The following MACROD2 variants were observed in gnomAD, a reference collection of about 807,000 sequenced individuals.
MACROD2 encodes ADP-ribose glycohydrolase MACROD2.
Under a neutral mutation model 70.4 loss-of-function variants are expected in MACROD2, and 36 were observed. The observed-to-expected ratio is 0.51, with a 90% CI of 0.39 to 0.68. The LOEUF (loss-of-function observed/expected upper bound fraction) is 0.68. Among genes scored for constraint, MACROD2 ranks in the 30% least tolerant of loss-of-function variants. MACROD2 has a pLI of 0.00. For synonymous variants in MACROD2, 172 were observed against 178.8 expected, an observed-to-expected ratio of 0.96 and a Z score of 0.30; for missense variants, 496 against 538.4, an observed-to-expected ratio of 0.92 and a Z score of 0.78.
chr20:15,468,128 C>T (rs1319983633), intron 7 of MACROD2, among the ~76,000 whole-genome samples: 1 of 151,986 alleles, frequency 6.6e-6, no homozygotes, highest in Non-Finnish European at 1.5e-5. Flanking sequence ...ATATGTCTGC[C>T]GCTGCATTGA....
At chr20:15,087,277 TAAGGA>T (rs1214851468) in intron 5 of MACROD2, among the ~76,000 whole-genome samples, 1 of 151,964 alleles carries the variant, frequency 6.6e-6, no homozygotes, top group Non-Finnish European at 1.5e-5. Context: ...AAAGAATGAC[TAAGGA>T]GAGGGAAAAA....
At chr20:14,855,597 G>GT (rs71190156) in intron 5 of MACROD2, among the ~76,000 whole-genome samples, 13,229 of 77,032 alleles carry the variant, frequency 0.17, 2,357 homozygotes, top group East Asian at 0.25. Context: ...ATCCTACCAA[G>GT]TTTTTTTTTT....
Position 14,575,180 on chromosome 20 carries a change from A to C in MACROD2, c.301+81672A>C, listed in dbSNP as rs941957077. Among the ~76,000 whole-genome samples, 3 of 151,984 alleles carry C rather than the reference A, an allele frequency of 2.0e-5. No individual in the cohort carries two copies. In the East Asian group the frequency reaches 5.8e-4, roughly 29 times the overall value. On this transcript the variant is annotated intron_variant, in intron 4 of 17. Transcript: ENST00000684519. ...TAAACTGATAAAATTTAAAATATTT[A>C]TTTACTAATTACCTTAATATAATAA...
At chr20:14,824,283 C>T (rs970133912) in intron 5 of MACROD2, among the ~76,000 whole-genome samples, 4 of 152,046 alleles carry the variant, frequency 2.6e-5, no homozygotes, top group African/African-American at 9.7e-5. Context: ...AAACACTCTG[C>T]AGAATTCTTG....
At chr20:14,503,583 A>G (rs1013854471) in intron 4 of MACROD2, among the ~76,000 whole-genome samples, 7 of 152,222 alleles carry the variant, frequency 4.6e-5, no homozygotes, top group Non-Finnish European at 1.0e-4. Flanking sequence ...GACGTTCTCC[A>G]GGAGAAGATG....
intron 4 of MACROD2, among the ~76,000 whole-genome samples, chr20:14,646,829 T>C (rs1050383698): frequency 1.3e-5 from 2 of 152,166 alleles, no homozygotes; most frequent in Middle Eastern, 3.2e-3. Flanking sequence ...TACTGTATAA[T>C]TGTATTTCTT....
intron 3 of MACROD2, among the ~76,000 whole-genome samples, chr20:14,179,824 A>T (rs1298074043): frequency 6.6e-6 from 1 of 152,210 alleles, no homozygotes; most frequent in African/African-American, 2.4e-5. Context: ...AAGGTCTGAG[A>T]GTATGTCTGA....
chr20:14,583,451 C>T (rs962951473), intron 4 of MACROD2, among the ~76,000 whole-genome samples: 2 of 152,150 alleles, frequency 1.3e-5, no homozygotes, highest in African/African-American at 2.4e-5. Context: ...AAAGAAGTAG[C>T]CTCAGTAATA....
chr20:14,613,676 AT>A (rs1983305956), intron 4 of MACROD2, among the ~76,000 whole-genome samples: 1 of 152,042 alleles, frequency 6.6e-6, no homozygotes, highest in African/African-American at 2.4e-5. Context: ...TTATTGTTAC[AT>A]GTTTTTGGAT....
intron 4 of MACROD2, among the ~76,000 whole-genome samples, chr20:14,522,211 A>C (rs2085176326): frequency 2.6e-5 from 4 of 152,202 alleles, no homozygotes; most frequent in Non-Finnish European, 5.9e-5. Flanking sequence ...TCTATTTAAA[A>C]TATCAAGATG....
At chr20:16,043,648 A>G (rs1054600366) in intron 16 of MACROD2, among the ~76,000 whole-genome samples, 4 of 152,058 alleles carry the variant, frequency 2.6e-5, no homozygotes, top group African/African-American at 9.7e-5. Flanking sequence ...CACACGTTTT[A>G]TCACAACTAC....
At chr20:16,037,812 G>A (rs928827269) in intron 15 of MACROD2, among the ~76,000 whole-genome samples, 1 of 151,670 alleles carries the variant, frequency 6.6e-6, no homozygotes, top group Non-Finnish European at 1.5e-5. Flanking sequence ...GAGTCTTTTG[G>A]CTTATTTTCC....
At chr20:15,792,396 AT>A (rs1460102761) in intron 8 of MACROD2, among the ~76,000 whole-genome samples, 1 of 152,186 alleles carries the variant, frequency 6.6e-6, no homozygotes, top group Non-Finnish European at 1.5e-5. Flanking sequence ...CTAAAAAAAA[AT>A]CTGAACTAAT....
intron 5 of MACROD2, among the ~76,000 whole-genome samples, chr20:15,036,957 A>C (rs1335973331): frequency 6.6e-6 from 1 of 151,716 alleles, no homozygotes; most frequent in African/African-American, 2.4e-5. Context: ...GATAATTATA[A>C]AATAATCTTT....
intron 3 of MACROD2, among the ~76,000 whole-genome samples, chr20:14,300,178 G>A (rs930974260): frequency 1.3e-5 from 2 of 152,146 alleles, no homozygotes; most frequent in Admixed American, 6.5e-5. Context: ...TAAAACTTTC[G>A]TTTACTGATA....
chr20:14,646,940 G>C (rs1437312936), intron 4 of MACROD2, among the ~76,000 whole-genome samples: 1 of 152,056 alleles, frequency 6.6e-6, no homozygotes. Context: ...GGTGTCTGGG[G>C]TTTTGTTGTT....
At chr20:15,511,740 C>T (rs1232177295) in intron 8 of MACROD2, among the ~76,000 whole-genome samples, 2 of 152,156 alleles carry the variant, frequency 1.3e-5, no homozygotes, top group Admixed American at 6.5e-5. Context: ...TGAAGTACTC[C>T]CCTAATGACC....
intron 4 of MACROD2, among the ~76,000 whole-genome samples, chr20:14,512,265 T>C (rs938059362): frequency 1.3e-5 from 2 of 152,184 alleles, no homozygotes; most frequent in Non-Finnish European, 2.9e-5. Context: ...GGTGGTCCTG[T>C]TTCTTAGCCC....
At chr20:15,010,104 A>G (rs1400433608) in intron 5 of MACROD2, among the ~76,000 whole-genome samples, 1 of 152,214 alleles carries the variant, frequency 6.6e-6, no homozygotes, top group Non-Finnish European at 1.5e-5. Context: ...GGGGTATGCC[A>G]TGATGATAGG....
Sources: allele counts gnomAD v4.1 joint callset (sites outside exome capture counted in the v4.1 genomes callset), GRCh38; gene constraint gnomAD v4.1.1; transcripts MANE v1.5; gene names NCBI Gene and HGNC (gene_info 2026-07-23, HGNC 2026-07-21).